The following STRIP2 variants were observed in gnomAD, a reference collection of about 807,000 sequenced individuals.
STRIP2 encodes the protein striatin interacting protein 2.
STRIP2 carries 84 observed loss-of-function variants against 107.1 expected under a neutral mutation model. The observed-to-expected ratio is 0.78, with a 90% CI of 0.66 to 0.94. STRIP2 has a LOEUF of 0.94. Ranked by LOEUF, STRIP2 falls within the 40% of genes least tolerant of loss-of-function variation. The pLI is 0.00. For synonymous variants in STRIP2, 394 were observed against 400.4 expected, an observed-to-expected ratio of 0.98 and a Z score of 0.19; for missense variants, 888 against 1,034.2, an observed-to-expected ratio of 0.86 and a Z score of 1.94.
rs568825057 is a variant in STRIP2 at position 129,487,813 on chromosome 7, T to C, written c.*1984T>C. The C allele has an allele frequency of 6.6e-6, 1 of 152,302 alleles. No homozygotes were observed. The highest frequency in any genetic ancestry group is 1.9e-4 in the East Asian group (1 of 5,192). The allele number at this position is 152,302 out of a possible 1,614,324, so 9.4% of individuals were successfully genotyped here. ...TTATAAAGCCAGATAGTATTCAATT[T>C]ATGTCAAGAACAAAGAAATTGCCCT... On this transcript the variant is annotated 3_prime_UTR_variant, in exon 21 of 21. Transcript: ENST00000249344.
chr7:129,451,644 A>G lies in STRIP2; in HGVS notation c.306A>G (p.Glu102=). The G allele has an allele frequency of 6.2e-7, 1 of 1,614,178 alleles. No homozygotes were observed. Among genetic ancestry groups the G allele is most frequent in the African/African-American group, 1.3e-5 (1 of 75,060 alleles). ...GCAAGGAATGGCTGGAGTTGGAAGA[A>G]GATGCCCAAAAGGCCTATATAATGG... The part of the protein sequence containing the change: ...VQGKEWLELE[E]DAQKAYIMGL... The change falls in exon 4 of 21, where the codon GAA becomes GAG. Residue 102 remains glutamate (E), a synonymous_variant. Transcript: ENST00000249344.
intron 3 of STRIP2, among the ~76,000 whole-genome samples, chr7:129,447,011 C>T (rs1798055472): frequency 1.3e-5 from 2 of 152,186 alleles, no homozygotes; most frequent in African/African-American, 2.4e-5. Context: ...GATGGCAGGG[C>T]CTTGCTCCAA....
rs369755655 is a variant in STRIP2 at position 129,462,992 on chromosome 7, A to G, written c.1503A>G (p.Pro501=). Residue 501 remains proline, a synonymous_variant, in exon 14 of 21, where the codon CCA becomes CCG. Transcript: ENST00000249344. ...GGGAAGAGGTGGTACCAGAGACGCCATGTGAAATCCTCTACCAGGGAATGC... is the reference window on the plus strand; with the variant it reads ...GGGAAGAGGTGGTACCAGAGACGCCGTGTGAAATCCTCTACCAGGGAATGC... ...SLGEEVVPET[P]CEILYQGMLY... 7 of 1,613,990 alleles carry G rather than the reference A, an allele frequency of 4.3e-6. No individual in the cohort carries two copies. The highest frequency in any genetic ancestry group is 5.9e-6 in the Non-Finnish European group (7 of 1,179,972).
chr7:129,471,503 T>C (rs1398069957), intron 18 of STRIP2, among the ~76,000 whole-genome samples: 2 of 152,186 alleles, frequency 1.3e-5, no homozygotes, highest in African/African-American at 4.8e-5. Flanking sequence ...TCAATAAATG[T>C]CAAATGATTG....
In STRIP2 at chr7:129,485,691, T is replaced by A. The variant is rs751924638; in HGVS notation, c.2367T>A (p.Pro789=). ...GACCCCAGGACTCTGAGTTTTCACC[T>A]GTGGATAACTGCTTGCAGAGCGTAC... The part of the protein sequence containing the change: ...YDRPQDSEFS[P]VDNCLQSVLG... Residue 789 remains proline (P), a synonymous_variant, in exon 21 of 21, where the codon CCT becomes CCA. Coordinates refer to ENST00000249344, the MANE Select transcript of STRIP2 (RefSeq NM_020704.3). 2.5e-6 allele frequency: 4 copies of A among 1,614,140 alleles called. No individual in the cohort carries two copies. The South Asian group carries it at 4.4e-5, about 18-fold the overall frequency.
Position 129,454,132 on chromosome 7 carries a change from C to T in STRIP2, c.531-10C>T, listed in dbSNP as rs751821644. ...TATGCATTCCTGTTCTTTTTCTCCTCCCCTGGCAGCAACAGCCAGGCCTGT... is the reference window on the plus strand; with the variant it reads ...TATGCATTCCTGTTCTTTTTCTCCTTCCCTGGCAGCAACAGCCAGGCCTGT... On this transcript the variant is annotated splice_polypyrimidine_tract_variant and intron_variant, in intron 5 of 20. Coordinates refer to ENST00000249344, the MANE Select transcript of STRIP2 (RefSeq NM_020704.3). The T allele has an allele frequency of 5.6e-6, 9 of 1,613,690 alleles. No individual in the cohort carries two copies. The South Asian group carries it at 7.7e-5, about 14-fold the overall frequency.
rs1798528793 is a variant in STRIP2 at position 129,461,346 on chromosome 7, G to A, written c.1476+974G>A. Among the ~76,000 whole-genome samples the A allele has an allele frequency of 6.6e-6, 1 of 152,180 alleles. No individual in the cohort carries two copies. The highest frequency in any genetic ancestry group is 1.5e-5 in the Non-Finnish European group (1 of 68,048). The stretch of plus-strand genomic sequence containing the variant: ...TGAGAAATAAATTCGGGAGTTGTTT[G>A]TAACACTTATAGGCAGTGTTAAAGG... On this transcript the variant is annotated intron_variant, in intron 13 of 20. Transcript: ENST00000249344. The surrounding 1 kb of genome is among the most constrained non-coding windows in gnomAD (Gnocchi z 4.0).
At chr7:129,453,530 C>T (rs923635305) in intron 5 of STRIP2, among the ~76,000 whole-genome samples, 183 bp downstream of exon 5, 8 of 152,206 alleles carry the variant, frequency 5.3e-5, no homozygotes, top group African/African-American at 1.9e-4. Flanking sequence ...TTCTGTTCTC[C>T]CTCCCTGAGG....
At position 129,485,923 on chromosome 7, in the gene STRIP2, A is replaced by G. The variant is rs2151022591; in HGVS notation, c.*94A>G. 6.9e-7 allele frequency: 1 copy of G among 1,442,920 alleles called. No homozygotes were observed. Among genetic ancestry groups the G allele is most frequent in the South Asian group, 1.2e-5 (1 of 80,124 alleles). The allele number at this position is 1,442,920 out of a possible 1,614,324, so 89.4% of individuals were successfully genotyped here. A position where few individuals can be genotyped will look rare whatever the true frequency, so the allele number is the denominator to read the frequency against. ...TCCATACAGGCGCTGTTACCAGTTC[A>G]GGGCTCTTCTGGGGGCTCTTGGGCC... On this transcript the variant is annotated 3_prime_UTR_variant, in exon 21 of 21. Coordinates refer to ENST00000249344, the MANE Select transcript of STRIP2 (RefSeq NM_020704.3).
At chr7:129,444,584 C>T (rs1311073075) in intron 3 of STRIP2, among the ~76,000 whole-genome samples, 1 of 152,170 alleles carries the variant, frequency 6.6e-6, no homozygotes, top group African/African-American at 2.4e-5. Context: ...ACAGATATAC[C>T]CAGGATCAAT....
intron 2 of STRIP2, among the ~76,000 whole-genome samples, chr7:129,442,510 G>GATA: frequency 6.6e-6 from 1 of 152,120 alleles, no homozygotes. Context: ...CTGGGTAGAA[G>GATA]ATAATACACA....
intron 1 of STRIP2, among the ~76,000 whole-genome samples, chr7:129,437,811 G>GTTTTTTT (rs1299449784): frequency 7.9e-6 from 1 of 126,956 alleles, no homozygotes; most frequent in Admixed American, 7.9e-5. Context: ...GTTTTTTTTT[G>GTTTTTTT]TTTTTTTTTT....
chr7:129,434,851 T>C (rs774301100), intron 1 of STRIP2, among the ~76,000 whole-genome samples: 32 of 152,352 alleles, frequency 2.1e-4, no homozygotes, highest in Non-Finnish European at 1.5e-5. Context: ...ATGAGCGCGG[T>C]ATTGAGCGGA....
At chr7:129,445,349 G>A (rs377358311) in intron 3 of STRIP2, among the ~76,000 whole-genome samples, 24 of 152,112 alleles carry the variant, frequency 1.6e-4, no homozygotes, top group African/African-American at 5.1e-4. Flanking sequence ...ACCCCAAAGT[G>A]TCCAGGTGGC....
At chr7:129,448,703 T>C (rs1011476340) in intron 3 of STRIP2, among the ~76,000 whole-genome samples, 3 of 152,132 alleles carry the variant, frequency 2.0e-5, no homozygotes, top group African/African-American at 7.2e-5. Context: ...TGCCATCCAT[T>C]ATGGTAGCTA....
rs1472377617 is a variant in STRIP2 at position 129,480,833 on chromosome 7, A to G, written c.1993A>G (p.Ile665Val). 5 of 1,613,934 alleles carry G rather than the reference A, an allele frequency of 3.1e-6. No individual in the cohort carries two copies. The highest frequency in any genetic ancestry group is 2.7e-5 in the African/African-American group (2 of 74,924). The part of the protein sequence containing the change: ...QFCWRNLFSC[I>V]NLLRLLNKLT... The stretch of plus-strand genomic sequence containing the variant: ...CTGCTGGAGGAACCTCTTTTCCTGC[A>G]TCAACCTCCTGAGGCTGCTCAATAA... Residue 665 changes from isoleucine to valine, a missense_variant, in exon 19 of 21, where the codon ATC becomes GTC. Transcript: ENST00000249344.
chr7:129,443,597 A>G (rs543950520), intron 2 of STRIP2, among the ~76,000 whole-genome samples: 1 of 152,178 alleles, frequency 6.6e-6, no homozygotes, highest in African/African-American at 2.4e-5. Flanking sequence ...AGCCCTTGCC[A>G]TGGTTTCCTG....
chr7:129,444,115 A>C lies in STRIP2; in HGVS notation c.274+17A>C. The stretch of plus-strand genomic sequence containing the variant: ...AGACTCAAGGTAATTCCAGATCTTT[A>C]CTCATAGAGACCTGCTTTTTCCTTT... On this transcript the variant is annotated intron_variant, in intron 3 of 20. Coordinates refer to ENST00000249344, the MANE Select transcript of STRIP2 (RefSeq NM_020704.3). 6.3e-7 allele frequency: 1 copy of C among 1,588,052 alleles called. No individual in the cohort carries two copies. Among genetic ancestry groups the C allele is most frequent in the Non-Finnish European group, 8.6e-7 (1 of 1,157,824 alleles).
At position 129,461,913 on chromosome 7, in the gene STRIP2, C is replaced by T. The variant is rs1020621561; in HGVS notation, c.1477-1053C>T. Among the ~76,000 whole-genome samples, 3 of 152,104 alleles carry T rather than the reference C, an allele frequency of 2.0e-5. No homozygotes were observed. The highest frequency in any genetic ancestry group is 2.0e-4 in the Admixed American group (3 of 15,268). ...GGGATAATTGCAGGACTGAGGCATT[C>T]AACAAAGCAAATGGGTGTGGGATCC... On this transcript the variant is annotated intron_variant, in intron 13 of 20. Coordinates refer to ENST00000249344, the MANE Select transcript of STRIP2 (RefSeq NM_020704.3). This position sits in a 1 kb window ranked among gnomAD's most constrained non-coding sequence, Gnocchi z 4.0.
Sources: allele counts gnomAD v4.1 joint callset (sites outside exome capture counted in the v4.1 genomes callset), GRCh38; gene constraint gnomAD v4.1.1; non-coding constraint Gnocchi (gnomAD v3.1); transcripts MANE v1.5; gene names NCBI Gene and HGNC (gene_info 2026-07-23, HGNC 2026-07-21).